Variants in NUP98 observed in about 807,000 individuals in gnomAD.
NUP98 encodes the protein nucleoporin 98 and 96 precursor.
In NUP98, 26 loss-of-function variants were observed where a neutral mutation model predicts 191.9. The observed-to-expected ratio is 0.14, with a 90% confidence interval of 0.10 to 0.19. The LOEUF is 0.19. Ranked by LOEUF, NUP98 falls within the 10% of genes least tolerant of loss-of-function variation. NUP98 has a pLI of 1.00. For missense variants in NUP98, 1,941 were observed against 2,178.8 expected (o/e 0.89, Z 2.17); for synonymous variants, 808 against 778.4 (o/e 1.04, Z -0.63).
chr11:3,746,131 G>A (rs933332241), intron 11 of NUP98, among the ~76,000 whole-genome samples: 3 of 151,920 alleles, frequency 2.0e-5, no homozygotes, highest in African/African-American at 7.3e-5. Flanking sequence ...TTAGCTGGGT[G>A]TGGTGGCACA....
Position 3,740,892 on chromosome 11 carries a change from C to T in NUP98, c.1408+3617G>A, listed in dbSNP as rs561932608. Among the ~76,000 whole-genome samples the T allele has an allele frequency of 2.8e-4, 42 of 151,604 alleles. No individual in the cohort carries two copies. In the South Asian group the frequency reaches 8.5e-3, roughly 31 times the overall value. On this transcript the variant is annotated intron_variant, in intron 12 of 32. Coordinates refer to ENST00000324932, the MANE Select transcript of NUP98 (RefSeq NM_016320.5). The stretch of plus-strand genomic sequence containing the variant: ...GGAGTGTAGCGGCGTGACGTCGGCT[C>T]GGTGCAACTTCCGCCTCCCAGGTTC...
At position 3,728,147 on chromosome 11, in the gene NUP98, G is replaced by C. The variant is rs76925901; in HGVS notation, c.1731-2928C>G. On this transcript the variant is annotated intron_variant, in intron 14 of 32. Coordinates refer to ENST00000324932, the MANE Select transcript of NUP98 (RefSeq NM_016320.5). ...AGAAGTGTTTCAAAGGGAACAATTG[G>C]GGCAAAGGCCCAAATAAATAGCATG... 7.7e-3 allele frequency among the ~76,000 whole-genome samples: 1,179 copies of C among 152,278 alleles called. 17 individuals carry two copies. Among genetic ancestry groups the C allele is most frequent in the Middle Eastern group, 0.027 (8 of 294 alleles).
chr11:3,759,219 T>A (rs537180369), intron 10 of NUP98, among the ~76,000 whole-genome samples: 1 of 152,282 alleles, frequency 6.6e-6, no homozygotes, highest in East Asian at 1.9e-4. Context: ...AACCACTATT[T>A]CCCTCGACAA....
intron 12 of NUP98, 52 bp downstream of exon 12, chr11:3,744,457 G>C: frequency 6.4e-7 from 1 of 1,553,932 alleles, no homozygotes; most frequent in Non-Finnish European, 8.7e-7. Flanking sequence ...AATCAGGTCA[G>C]CAAGTATTAG....
rs1435699897 is a variant in NUP98, at chr11:3,695,527, C to T, written c.4089G>A (p.Val1363=). The change falls in exon 26 of 33, where the codon GTG becomes GTA. Residue 1363 remains valine (V), a synonymous_variant. Coordinates refer to ENST00000324932, the MANE Select transcript of NUP98 (RefSeq NM_016320.5). The part of the protein sequence containing the change: ...SVRELLTMQL[V]DWHQLQADSF... ...AGTCTGCTTGGAGCTGATGCCAGTC[C>T]ACCAACTGCATGGTGAGCAGCTCCC... 2 of 1,611,270 alleles carry T rather than the reference C, an allele frequency of 1.2e-6. No homozygotes were observed. Among genetic ancestry groups the T allele is most frequent in the African/African-American group, 1.3e-5 (1 of 74,800 alleles).
chr11:3,783,156 CT>C (rs2082031632), intron 1 of NUP98, among the ~76,000 whole-genome samples: 2 of 152,166 alleles, frequency 1.3e-5, no homozygotes, highest in African/African-American at 4.8e-5. Context: ...GCTTGGGAGG[CT>C]GAAGCGGGCT....
At chr11:3,747,219 T>A (rs1215918086) in intron 11 of NUP98, among the ~76,000 whole-genome samples, 2 of 152,162 alleles carry the variant, frequency 1.3e-5, no homozygotes, top group African/African-American at 4.8e-5. Flanking sequence ...AAAATGGTAA[T>A]AGTGGCCTTA....
chr11:3,745,156 A>C (rs1183665060), intron 11 of NUP98, among the ~76,000 whole-genome samples: 1 of 152,206 alleles, frequency 6.6e-6, no homozygotes, highest in Non-Finnish European at 1.5e-5. Context: ...GTTTCCAAAG[A>C]ATTTTTAAAA....
intron 12 of NUP98, among the ~76,000 whole-genome samples, chr11:3,741,041 C>T (rs1247893574): frequency 2.0e-5 from 3 of 151,372 alleles, no homozygotes; most frequent in African/African-American, 7.3e-5. Context: ...AGGCTGGTCT[C>T]GAACGCTTGA....
intron 13 of NUP98, among the ~76,000 whole-genome samples, chr11:3,733,931 T>C (rs1261039856): frequency 6.6e-6 from 1 of 152,198 alleles, no homozygotes; most frequent in Non-Finnish European, 1.5e-5. Context: ...GCATAAATAA[T>C]TGTCTAATCA....
In NUP98 at chr11:3,744,514, G is replaced by A. The variant is rs141781729; in HGVS notation, c.1403C>T (p.Pro468Leu). 1.0e-5 allele frequency: 16 copies of A among 1,603,022 alleles called. No individual in the cohort carries two copies. The highest frequency in any genetic ancestry group is 1.3e-5 in the Non-Finnish European group (15 of 1,176,878). The part of the protein sequence containing the change: ...ATLGFGAPQA[P>L]VALTDPNASA... ...CTAAAGTGACTGACACTTACCTACT[G>A]GGGCCTGGGGGGCTCCAAAGCCCAA... Residue 468 changes from proline to leucine, a missense_variant, in exon 12 of 33, where the codon CCA becomes CTA. Pro to Leu is a moderately conservative substitution (Grantham distance 98, BLOSUM62 -3). Around this residue, in one of 6 missense-constraint regions of NUP98, gnomAD observed 453 missense variants for 438.2 expected, o/e 1.03. Transcript: ENST00000324932.
At chr11:3,711,192 C>T (rs998239074) in intron 20 of NUP98, among the ~76,000 whole-genome samples, 1 of 151,892 alleles carries the variant, frequency 6.6e-6, no homozygotes, top group Admixed American at 6.6e-5. Flanking sequence ...CCACAGAGAG[C>T]CGAGACTGCA....
intron 1 of NUP98, among the ~76,000 whole-genome samples, chr11:3,796,461 A>G (rs1340650755): frequency 6.6e-6 from 1 of 152,232 alleles, no homozygotes; most frequent in Admixed American, 6.5e-5. Context: ...AACAACGCTG[A>G]CGTTCTTTAA....
intron 30 of NUP98, among the ~76,000 whole-genome samples, chr11:3,680,438 A>G (rs1483946660): frequency 6.6e-6 from 1 of 152,128 alleles, no homozygotes; most frequent in Non-Finnish European, 1.5e-5. Flanking sequence ...TTCCCCCACT[A>G]AAGTCTTGAA....
rs565737855 is a variant in NUP98, at chr11:3,715,627, C to T, written c.2400-1632G>A. ...TTTGAGAGACAGGGTCTCCCTCTCC[C>T]GCTCAGGCAGGAGAGAAGTGGCATG... On this transcript the variant is annotated intron_variant, in intron 18 of 32. Transcript: ENST00000324932. Among the ~76,000 whole-genome samples, 58 of 152,222 alleles carry T rather than the reference C, an allele frequency of 3.8e-4. No individual in the cohort carries two copies. The South Asian group carries it at 7.9e-3, about 21-fold the overall frequency.
chr11:3,763,059 G>C lies in NUP98; in HGVS notation c.949-20C>G, dbSNP rs774589603. On this transcript the variant is annotated intron_variant, in intron 8 of 32. Coordinates refer to ENST00000324932, the MANE Select transcript of NUP98 (RefSeq NM_016320.5). ...TAATCCCTGCAAAGAAGTTTATATAGATTAAAAGATATCCTGTAATAGTTT... is the reference window on the plus strand; with the variant it reads ...TAATCCCTGCAAAGAAGTTTATATACATTAAAAGATATCCTGTAATAGTTT... The C allele has an allele frequency of 1.2e-6, 2 of 1,604,780 alleles. No individual in the cohort carries two copies. The highest frequency in any genetic ancestry group is 8.5e-7 in the Non-Finnish European group (1 of 1,176,384).
intron 10 of NUP98, among the ~76,000 whole-genome samples, chr11:3,754,794 T>C (rs1366768466): frequency 6.6e-6 from 1 of 151,602 alleles, no homozygotes; most frequent in Non-Finnish European, 1.5e-5. Flanking sequence ...ATACACAAAT[T>C]AGCTGGGTGT....
intron 8 of NUP98, among the ~76,000 whole-genome samples, chr11:3,764,962 TATG>T (rs1256752470): frequency 2.0e-5 from 3 of 152,214 alleles, no homozygotes; most frequent in Non-Finnish European, 4.4e-5. Context: ...CCTGATGACT[TATG>T]ATGTTAAGCA....
intron 1 of NUP98, among the ~76,000 whole-genome samples, chr11:3,784,804 T>G (rs2082087974): frequency 6.6e-6 from 1 of 151,232 alleles, no homozygotes; most frequent in Admixed American, 6.6e-5. Flanking sequence ...AGGGCTGGGG[T>G]ACAGACATTT....
Sources: allele counts gnomAD v4.1 joint callset (sites outside exome capture counted in the v4.1 genomes callset), GRCh38; gene constraint gnomAD v4.1.1; regional missense constraint gnomAD v4.1.1; transcripts MANE v1.5; gene names NCBI Gene and HGNC (gene_info 2026-07-23, HGNC 2026-07-21).